LRRC4C: variants seen among roughly 807,000 people sequenced by gnomAD.
The protein encoded by LRRC4C is leucine rich repeat containing 4C.
In LRRC4C, 5 loss-of-function variants were observed where a neutral mutation model predicts 33.6. The ratio of observed to expected loss-of-function variants is 0.15; its 90% CI spans 0.08 to 0.31. LRRC4C has a LOEUF of 0.31. Among genes scored for constraint, LRRC4C ranks in the 10% least tolerant of loss-of-function variants. LRRC4C has a pLI of 1.00. For synonymous variants in LRRC4C, 329 were observed against 302.0 expected (o/e 1.09, Z -0.93); for missense variants, 560 against 796.7 (o/e 0.70, Z 3.58).
chr11:40,636,137 T>A (rs190367486), intron 3 of LRRC4C, among the ~76,000 whole-genome samples: 2 of 152,210 alleles, frequency 1.3e-5, no homozygotes, highest in East Asian at 1.9e-4. Flanking sequence ...CCAGGTGAAG[T>A]GCAAGGAGCC....
intron 3 of LRRC4C, among the ~76,000 whole-genome samples, chr11:40,533,108 A>AT (rs1477038734): frequency 2.0e-5 from 3 of 152,100 alleles, no homozygotes; most frequent in Non-Finnish European, 2.9e-5. Context: ...TCAAGATGAG[A>AT]TTTTGGGTGG....
At chr11:40,721,775 C>CGTGTCTCTA (rs148007902) in intron 2 of LRRC4C, among the ~76,000 whole-genome samples, 1 of 151,508 alleles carries the variant, frequency 6.6e-6, no homozygotes, top group Non-Finnish European at 1.5e-5. Flanking sequence ...GTGGTGAAAC[C>CGTGTCTCTA]CTAAAAATAC....
chr11:40,115,419 G>A lies in LRRC4C; in HGVS notation c.874C>T (p.His292Tyr), dbSNP rs1278653859. 7 of 1,614,192 alleles carry A rather than the reference G, an allele frequency of 4.3e-6. No homozygotes were observed. Among genetic ancestry groups the A allele is most frequent in the Non-Finnish European group, 5.9e-6 (7 of 1,180,032 alleles). The change falls in exon 7 of 7, where the codon CAT becomes TAT. Residue 292 changes from histidine to tyrosine, a missense_variant. His to Tyr is a moderately conservative substitution (Grantham distance 83, BLOSUM62 2). Coordinates refer to ENST00000528697, the MANE Select transcript of LRRC4C (RefSeq NM_001258419.2). This position sits in a 1 kb window ranked among gnomAD's most constrained non-coding sequence, Gnocchi z 6.7. Reference sequence around the variant, plus strand: ...TGATGTAAATGTATCCGCTCTAGATGATGCAAGGGAGTGAAGAGGTCATGA... The same window carrying A: ...TGATGTAAATGTATCCGCTCTAGATAATGCAAGGGAGTGAAGAGGTCATGA... ...LPHDLFTPLH[H>Y]LERIHLHHNP...
At chr11:40,959,587 A>T (rs1959110435) in intron 1 of LRRC4C, among the ~76,000 whole-genome samples, 1 of 151,528 alleles carries the variant, frequency 6.6e-6, no homozygotes, top group African/African-American at 2.4e-5. Flanking sequence ...ATACTAAATG[A>T]CTCCTGCTAT....
At chr11:40,665,368 A>G (rs867606190) in intron 2 of LRRC4C, among the ~76,000 whole-genome samples, 7 of 44,336 alleles carry the variant, frequency 1.6e-4, no homozygotes, top group Non-Finnish European at 3.1e-4. Flanking sequence ...ATATATGTAT[A>G]TATATATATA....
intron 1 of LRRC4C, among the ~76,000 whole-genome samples, chr11:40,982,307 C>T (rs1055970874): frequency 1.3e-5 from 2 of 152,148 alleles, no homozygotes; most frequent in Non-Finnish European, 2.9e-5. Flanking sequence ...TTAAAAAATA[C>T]AGTGGTGTTG....
At chr11:40,535,478 C>T (rs1956432905) in intron 3 of LRRC4C, among the ~76,000 whole-genome samples, 1 of 152,190 alleles carries the variant, frequency 6.6e-6, no homozygotes, top group African/African-American at 2.4e-5. Flanking sequence ...TAGTAGGATT[C>T]ATCAGCATCA....
chr11:40,542,918 G>C (rs900527575), intron 3 of LRRC4C, among the ~76,000 whole-genome samples: 1 of 152,106 alleles, frequency 6.6e-6, no homozygotes, highest in Non-Finnish European at 1.5e-5. Context: ...TAAACTGACA[G>C]TTACATTTTA....
chr11:40,517,498 C>T (rs1422232555), intron 3 of LRRC4C, among the ~76,000 whole-genome samples: 1 of 152,126 alleles, frequency 6.6e-6, no homozygotes, highest in African/African-American at 2.4e-5. Context: ...AGTTTCTCTC[C>T]AGCCTTCTCT....
At chr11:40,217,875 G>A (rs1864088087) in intron 5 of LRRC4C, among the ~76,000 whole-genome samples, 1 of 152,060 alleles carries the variant, frequency 6.6e-6, no homozygotes. Context: ...AATTATTGAA[G>A]TTTAATTGAA....
chr11:41,415,823 C>G (rs1278388928), intron 1 of LRRC4C, among the ~76,000 whole-genome samples: 1 of 152,116 alleles, frequency 6.6e-6, no homozygotes, highest in Non-Finnish European at 1.5e-5. Context: ...ACTTTCATTT[C>G]ATTAAGCTAA....
chr11:41,363,095 C>T (rs1366092257), intron 1 of LRRC4C, among the ~76,000 whole-genome samples: 1 of 152,186 alleles, frequency 6.6e-6, no homozygotes. Context: ...GATGTCACAT[C>T]TCTGCATGGT....
At chr11:40,722,959 T>C (rs1003474902) in intron 2 of LRRC4C, among the ~76,000 whole-genome samples, 1 of 152,160 alleles carries the variant, frequency 6.6e-6, no homozygotes, top group African/African-American at 2.4e-5. Flanking sequence ...CAAAATACAT[T>C]TGGAAGCCTT....
intron 1 of LRRC4C, among the ~76,000 whole-genome samples, chr11:41,373,832 A>C (rs1021643022): frequency 1.3e-5 from 2 of 152,230 alleles, no homozygotes; most frequent in Non-Finnish European, 2.9e-5. Flanking sequence ...TTTCAATAAA[A>C]GTATAAACAT....
At chr11:41,085,359 C>T (rs890488361) in intron 1 of LRRC4C, among the ~76,000 whole-genome samples, 9 of 152,100 alleles carry the variant, frequency 5.9e-5, no homozygotes, top group African/African-American at 2.2e-4. Context: ...TATAATGAAT[C>T]TTTGCCTTTT....
At chr11:40,797,608 A>G (rs2135240743) in intron 2 of LRRC4C, among the ~76,000 whole-genome samples, 1 of 152,342 alleles carries the variant, frequency 6.6e-6, no homozygotes, top group East Asian at 1.9e-4. Flanking sequence ...TCAGGACTCA[A>G]AAATCTCTAC....
chr11:41,002,327 TA>T (rs1334719909), intron 1 of LRRC4C, among the ~76,000 whole-genome samples: 4 of 152,266 alleles, frequency 2.6e-5, no homozygotes, highest in Non-Finnish European at 2.9e-5. Context: ...TGTGTTAACA[TA>T]GGTTGACACA....
At chr11:40,921,832 A>G (rs1283632243) in intron 2 of LRRC4C, among the ~76,000 whole-genome samples, 1 of 152,198 alleles carries the variant, frequency 6.6e-6, no homozygotes, top group African/African-American at 2.4e-5. Context: ...AATAAACATA[A>G]TCTAGACTAC....
chr11:40,980,344 C>T (rs559586749), intron 1 of LRRC4C, among the ~76,000 whole-genome samples: 11 of 152,258 alleles, frequency 7.2e-5, no homozygotes, highest in African/African-American at 2.6e-4. Context: ...TTTATATTCT[C>T]CGCTTGCTGC....
Sources: gnomAD v4.1 joint callset for allele counts (sites outside exome capture counted in the v4.1 genomes callset) on GRCh38, gnomAD v4.1.1 for gene constraint, Gnocchi (gnomAD v3.1) non-coding constraint, MANE v1.5 for transcripts, NCBI Gene and HGNC (gene_info 2026-07-23, HGNC 2026-07-21) for gene names.